Variants in MAP7 observed in about 807,000 individuals in gnomAD.
MAP7 encodes microtubule associated protein 7, also known as ensconsin.
In MAP7, 52 loss-of-function variants were observed where a neutral mutation model predicts 94.8. The observed-to-expected ratio is 0.55, with a 90% CI of 0.44 to 0.69. MAP7 has a LOEUF of 0.69. Among genes scored for constraint, MAP7 ranks in the 30% least tolerant of loss-of-function variants. The pLI, the probability that MAP7 is intolerant of heterozygous loss-of-function variation, is 0.00. For synonymous variants in MAP7, 350 were observed against 357.0 expected, an observed-to-expected ratio of 0.98 and a Z score of 0.22; for missense variants, 940 against 964.6, an observed-to-expected ratio of 0.97 and a Z score of 0.34.
intron 1 of MAP7, among the ~76,000 whole-genome samples, chr6:136,425,520 A>C (rs1045141760): frequency 3.9e-5 from 6 of 152,196 alleles, no homozygotes; most frequent in African/African-American, 1.4e-4. Flanking sequence ...CTGTATAGAA[A>C]AGAGTTACCA....
chr6:136,435,539 A>G (rs759292517), intron 1 of MAP7, among the ~76,000 whole-genome samples: 4 of 152,214 alleles, frequency 2.6e-5, no homozygotes, highest in Non-Finnish European at 4.4e-5. Context: ...GTGACATGGC[A>G]ATGTGTTTTC....
chr6:136,544,331 C>T (rs1829559575), intron 1 of MAP7, among the ~76,000 whole-genome samples: 2 of 152,180 alleles, frequency 1.3e-5, no homozygotes, highest in African/African-American at 4.8e-5. Context: ...AAATTGGCTA[C>T]CTTTCTTCCC....
intron 8 of MAP7, among the ~76,000 whole-genome samples, chr6:136,368,169 C>G (rs1033435115): frequency 6.6e-6 from 1 of 151,856 alleles, no homozygotes; most frequent in Non-Finnish European, 1.5e-5. Context: ...GAAAAACACT[C>G]GATACTTAAC....
intron 1 of MAP7, among the ~76,000 whole-genome samples, chr6:136,468,052 C>T (rs1807689973): frequency 6.6e-6 from 1 of 152,070 alleles, no homozygotes; most frequent in Non-Finnish European, 1.5e-5. Flanking sequence ...CCCCTTCTAG[C>T]CCAGCACCAC....
chr6:136,393,748 G>A (rs1781454485), intron 3 of MAP7, among the ~76,000 whole-genome samples: 1 of 150,710 alleles, frequency 6.6e-6, no homozygotes, highest in South Asian at 2.1e-4. Context: ...CAATCCTCCT[G>A]CCTCAGCCTC....
chr6:136,460,876 C>T (rs1309134197), intron 1 of MAP7, among the ~76,000 whole-genome samples: 1 of 152,116 alleles, frequency 6.6e-6, no homozygotes, highest in Admixed American at 6.6e-5. Flanking sequence ...CAGCCCTCCA[C>T]TAGACCCAAT....
At chr6:136,546,290 G>C (rs1379875618) in intron 1 of MAP7, among the ~76,000 whole-genome samples, 5 of 151,802 alleles carry the variant, frequency 3.3e-5, no homozygotes, top group African/African-American at 1.2e-4. Flanking sequence ...TGAGATTACA[G>C]GCGTGAGCTA....
In MAP7 at chr6:136,362,699, G is replaced by T. The variant is rs768953447; in HGVS notation, c.1277C>A (p.Ala426Asp). The T allele has an allele frequency of 3.8e-6, 6 of 1,586,454 alleles. No homozygotes were observed. The highest frequency in any genetic ancestry group is 2.7e-5 in the African/African-American group (2 of 73,876). The change falls in exon 11 of 18, where the codon GCT becomes GAT. Residue 426 changes from alanine to aspartate, a missense_variant. Ala to Asp is a moderately radical substitution (Grantham distance 126). Coordinates refer to ENST00000354570, the MANE Select transcript of MAP7 (RefSeq NM_003980.6). ...TPAEPEVGPA[A>D]PAMAPAPASA... ...GGCTGGAGCTGGGGCCATGGCTGGA[G>T]CAGCTGCACAAATAGGTACAAGGAG...
intron 1 of MAP7, among the ~76,000 whole-genome samples, chr6:136,510,431 C>G (rs991411462): frequency 6.6e-6 from 1 of 152,098 alleles, no homozygotes; most frequent in Non-Finnish European, 1.5e-5. Flanking sequence ...AATGGTTACC[C>G]GTGAGTTCCG....
chr6:136,423,516 G>A (rs1010777593), intron 1 of MAP7, among the ~76,000 whole-genome samples: 2 of 152,208 alleles, frequency 1.3e-5, no homozygotes, highest in Admixed American at 1.3e-4. Context: ...GTGGCAGGAA[G>A]GTCTGGGTCA....
At chr6:136,405,978 A>G (rs993575114) in intron 3 of MAP7, among the ~76,000 whole-genome samples, 2 of 152,216 alleles carry the variant, frequency 1.3e-5, no homozygotes, top group Non-Finnish European at 1.5e-5. Context: ...TTTCACTTCA[A>G]TACTCCAGCA....
chr6:136,456,671 CA>C (rs1582966478), intron 1 of MAP7, among the ~76,000 whole-genome samples: 1 of 64,730 alleles, frequency 1.5e-5, no homozygotes, highest in East Asian at 3.7e-4. Context: ...TACCCTGTCT[CA>C]AAAAGAAGAA....
chr6:136,550,416 C>G lies in MAP7; in HGVS notation c.-8G>C. ...AGCTCCTAGCTCCGCCATGGTGCTCCGATGACGCGCCCGGAGAGCCGCTCC... is the reference window on the plus strand; with the variant it reads ...AGCTCCTAGCTCCGCCATGGTGCTCGGATGACGCGCCCGGAGAGCCGCTCC... On this transcript the variant is annotated 5_prime_UTR_variant, in exon 1 of 18. Transcript: ENST00000354570. The surrounding 1 kb of genome is among the most constrained non-coding windows in gnomAD (Gnocchi z 5.1). 6.6e-7 allele frequency: 1 copy of G among 1,515,752 alleles called. No individual in the cohort carries two copies. The highest frequency in any genetic ancestry group is 2.0e-5 in the Admixed American group (1 of 49,560). The allele number at this position is 1,515,752 out of a possible 1,614,324, so 93.9% of individuals were successfully genotyped here. A position where few individuals can be genotyped will look rare whatever the true frequency, so the allele number is the denominator to read the frequency against.
chr6:136,429,121 T>C (rs1562390409), intron 1 of MAP7, among the ~76,000 whole-genome samples: 2 of 152,196 alleles, frequency 1.3e-5, no homozygotes, highest in African/African-American at 4.8e-5. Flanking sequence ...ATGTGCTGGG[T>C]AGTGTGCTAA....
chr6:136,420,352 C>T (rs1404600173), intron 2 of MAP7: 4 of 639,410 alleles, frequency 6.3e-6, no homozygotes, highest in East Asian at 2.6e-5. Context: ...CCAGCCCGGC[C>T]GCGAAGTGGG....
intron 2 of MAP7, chr6:136,420,218 A>G: frequency 1.9e-6 from 2 of 1,057,176 alleles, no homozygotes; most frequent in Non-Finnish European, 3.0e-6. Flanking sequence ...GGCATTTCAG[A>G]GCCAGGAACA....
chr6:136,461,904 T>C (rs6570081), intron 1 of MAP7, among the ~76,000 whole-genome samples: 5,865 of 152,278 alleles, frequency 0.039, 388 homozygotes, highest in African/African-American at 0.13. Context: ...TCATATGCTA[T>C]TGGTTCAAAT....
chr6:136,459,100 A>G (rs560123240), intron 1 of MAP7, among the ~76,000 whole-genome samples: 6 of 152,178 alleles, frequency 3.9e-5, no homozygotes, highest in Non-Finnish European at 8.8e-5. Flanking sequence ...AACTGAATAG[A>G]CATTTCTCCA....
At chr6:136,411,549 G>T in intron 3 of MAP7, 71 bp downstream of exon 3, 1 of 1,271,080 alleles carries the variant, frequency 7.9e-7, no homozygotes, top group South Asian at 1.4e-5. Flanking sequence ...ATTCATAAAG[G>T]TATGCAAAAG....
Sources: gnomAD v4.1 joint callset for allele counts (sites outside exome capture counted in the v4.1 genomes callset) on GRCh38, gnomAD v4.1.1 for gene constraint, Gnocchi (gnomAD v3.1) non-coding constraint, MANE v1.5 for transcripts, NCBI Gene and HGNC (gene_info 2026-07-23, HGNC 2026-07-21) for gene names.